The following ZNF529 variants were observed in gnomAD, a reference collection of about 807,000 sequenced individuals.
ZNF529 encodes zinc finger protein 529.
A neutral mutation model predicts 10.1 loss-of-function variants in ZNF529; 11 were observed. The ratio of observed to expected loss-of-function variants is 1.09; its 90% CI spans 0.69 to 1.81. ZNF529 has a LOEUF of 1.81. ZNF529 is among the 40% of genes most tolerant of loss of function. The pLI is 0.00. For synonymous variants in ZNF529, 204 were observed against 215.7 expected (o/e 0.95, Z 0.47); for missense variants, 624 against 666.8 (o/e 0.94, Z 0.71).
chr19:36,555,083 A>T (rs1366848810), intron 3 of ZNF529, among the ~76,000 whole-genome samples: 3 of 152,230 alleles, frequency 2.0e-5, no homozygotes, highest in Non-Finnish European at 4.4e-5. Context: ...TACTATATAC[A>T]AGCACATTTC....
intron 2 of ZNF529, among the ~76,000 whole-genome samples, chr19:36,569,505 C>T (rs1462174890): frequency 6.6e-6 from 1 of 152,156 alleles, no homozygotes; most frequent in Non-Finnish European, 1.5e-5. Flanking sequence ...TGGCTCATGC[C>T]TGTAATCCCA....
intron 2 of ZNF529, among the ~76,000 whole-genome samples, chr19:36,585,334 G>A (rs547937921): frequency 6.6e-6 from 1 of 152,318 alleles, no homozygotes; most frequent in African/African-American, 2.4e-5. Flanking sequence ...CCAGCAGAGA[G>A]CCCCAGGTTC....
At chr19:36,561,005 G>A (rs1351648032) in intron 2 of ZNF529, among the ~76,000 whole-genome samples, 1 of 152,214 alleles carries the variant, frequency 6.6e-6, no homozygotes, top group Admixed American at 6.5e-5. Flanking sequence ...TGATCAGAGT[G>A]TGGCTAGAAA....
intron 2 of ZNF529, among the ~76,000 whole-genome samples, chr19:36,586,435 T>C (rs1471120102): frequency 6.6e-6 from 1 of 151,708 alleles, no homozygotes; most frequent in Non-Finnish European, 1.5e-5. Context: ...TGAAACCCCG[T>C]CTCTACTAAA....
At chr19:36,572,204 T>C in intron 2 of ZNF529, 129 bp downstream of exon 2, 2 of 927,710 alleles carry the variant, frequency 2.2e-6, no homozygotes, top group South Asian at 1.5e-5. Flanking sequence ...CATATGTGAA[T>C]ATTCAATGAA....
At chr19:36,570,701 T>C (rs903030809) in intron 2 of ZNF529, among the ~76,000 whole-genome samples, 10 of 152,252 alleles carry the variant, frequency 6.6e-5, no homozygotes, top group Non-Finnish European at 1.0e-4. Context: ...ATTGCCTTAA[T>C]AGAACATTTG....
chr19:36,564,374 G>GAA (rs2035819226), intron 2 of ZNF529, among the ~76,000 whole-genome samples: 1 of 152,156 alleles, frequency 6.6e-6, no homozygotes, highest in South Asian at 2.1e-4. Flanking sequence ...CTAATATCCA[G>GAA]AATCTACAAG....
intron 2 of ZNF529, among the ~76,000 whole-genome samples, chr19:36,585,654 A>T (rs2036564195): frequency 6.6e-6 from 1 of 152,252 alleles, no homozygotes; most frequent in African/African-American, 2.4e-5. Context: ...ATTGCTTTGT[A>T]AACCATAAGG....
rs1405111327 is a variant in ZNF529 at position 36,546,001 on chromosome 19, T to C, written c.*865A>G. ...ATATAACACACATACACACTATATA[T>C]ATATAGTGCCCAGTATATAGTGTAT... On this transcript the variant is annotated 3_prime_UTR_variant, in exon 5 of 5. Transcript: ENST00000591340. 1.3e-5 allele frequency: 2 copies of C among 150,814 alleles called. No homozygotes were observed. Among genetic ancestry groups the C allele is most frequent in the Non-Finnish European group, 3.0e-5 (2 of 67,752 alleles). 9.3% of individuals were successfully genotyped at this position (150,814 alleles called of 1,614,324 possible).
chr19:36,603,768 A>T (rs2036968161), intron 1 of ZNF529, among the ~76,000 whole-genome samples: 1 of 152,202 alleles, frequency 6.6e-6, no homozygotes, highest in African/African-American at 2.4e-5. Flanking sequence ...CATAAAGAAA[A>T]GTCAGGTTCA....
intron 2 of ZNF529, among the ~76,000 whole-genome samples, chr19:36,569,411 A>G (rs895994808): frequency 2.6e-5 from 4 of 152,206 alleles, no homozygotes; most frequent in African/African-American, 9.6e-5. Context: ...AAGAACTAAA[A>G]AGGAAATCAC....
rs150988914 is a variant in ZNF529 at position 36,597,833 on chromosome 19, A to G, written c.-128+7293T>C. On this transcript the variant is annotated intron_variant, in intron 1 of 4. Transcript: ENST00000585960. ...TATTGAGTAGAAGATTATTTTACTT[A>G]TGAGAAGTTAAAATAGGTAGATATT... Among the ~76,000 whole-genome samples the G allele has an allele frequency of 2.2e-3, 338 of 152,348 alleles. 1 individual carries two copies. Among genetic ancestry groups the G allele is most frequent in the Middle Eastern group, 6.8e-3 (2 of 294 alleles).
At chr19:36,602,049 A>G (rs2036931655) in intron 1 of ZNF529, among the ~76,000 whole-genome samples, 1 of 76,166 alleles carries the variant, frequency 1.3e-5, no homozygotes, top group Non-Finnish European at 2.9e-5. Context: ...CCTGAACGCT[A>G]CAATTTTTTT....
intron 2 of ZNF529, among the ~76,000 whole-genome samples, chr19:36,556,802 A>AG (rs1443219717): frequency 6.6e-6 from 1 of 152,222 alleles, no homozygotes; most frequent in African/African-American, 2.4e-5. Flanking sequence ...GATTTTGTCC[A>AG]GGGGGAGAAG....
chr19:36,571,427 C>T (rs894322308), intron 2 of ZNF529, among the ~76,000 whole-genome samples: 2 of 152,110 alleles, frequency 1.3e-5, no homozygotes, highest in Admixed American at 1.3e-4. Context: ...GTAATCCCAG[C>T]ACTTTGGGAG....
chr19:36,591,600 C>G (rs943308356), intron 1 of ZNF529, among the ~76,000 whole-genome samples: 17 of 151,778 alleles, frequency 1.1e-4, no homozygotes, highest in African/African-American at 3.9e-4. Flanking sequence ...GGGCGCCTGC[C>G]TGTAGTCCCA....
At chr19:36,576,102 C>T (rs2036310362), upstream of ZNF529, among the ~76,000 whole-genome samples, 1 of 152,080 alleles carries the variant, frequency 6.6e-6, no homozygotes, top group African/African-American at 2.4e-5. Flanking sequence ...CCACCTCCGC[C>T]TCCCAAAGTG....
intron 1 of ZNF529, among the ~76,000 whole-genome samples, chr19:36,590,706 G>T (rs1036367457): frequency 6.6e-5 from 10 of 152,158 alleles, no homozygotes; most frequent in African/African-American, 2.4e-4. Context: ...GAGGCGGGCA[G>T]ATCACCTAAA....
At chr19:36,601,032 G>A (rs1205269496) in intron 1 of ZNF529, among the ~76,000 whole-genome samples, 1 of 150,746 alleles carries the variant, frequency 6.6e-6, no homozygotes, top group Non-Finnish European at 1.5e-5. Context: ...TATGTAACTT[G>A]GAAAAAAAAA....
Sources: gnomAD v4.1 joint callset for allele counts (sites outside exome capture counted in the v4.1 genomes callset) on GRCh38, gnomAD v4.1.1 for gene constraint, MANE v1.5 for transcripts, NCBI Gene and HGNC (gene_info 2026-07-23, HGNC 2026-07-21) for gene names.